Variants in NALF2 observed in about 807,000 individuals in gnomAD.
NALF2 encodes bB57D9.1 (TED protein).
A neutral mutation model predicts 24.8 loss-of-function variants in NALF2; 1 was observed. That is an observed-to-expected ratio of 0.04 (90% CI 0.01 to 0.19). The LOEUF is 0.19. NALF2 is among the 10% of genes least tolerant of loss of function. The pLI is 1.00. For missense variants in NALF2, 458 were observed against 409.6 expected, an observed-to-expected ratio of 1.12 and a Z score of -1.02; for synonymous variants, 254 against 189.8, an observed-to-expected ratio of 1.34 and a Z score of -2.78.
chrX:69,524,106 T>TTC (rs1273274075), intron 1 of NALF2, among the ~76,000 whole-genome samples: 2 of 108,937 alleles, frequency 1.8e-5, no homozygotes, highest in African/African-American at 6.7e-5. Context: ...TTTTCTTTTT[T>TTC]TTTTTTTTTT....
intron 1 of NALF2, among the ~76,000 whole-genome samples, chrX:69,508,228 T>G (rs1930524645): frequency 8.9e-6 from 1 of 111,771 alleles, no homozygotes; most frequent in South Asian, 3.8e-4. Context: ...GCTTAAGGTT[T>G]TTCCGCCCCT....
chrX:69,505,921 C>G lies in NALF2; in HGVS notation c.639C>G (p.Arg213=). The G allele has an allele frequency of 8.3e-7, 1 of 1,211,813 alleles. No individual in the cohort carries two copies. Among genetic ancestry groups the G allele is most frequent in the Non-Finnish European group, 1.1e-6 (1 of 895,493 alleles). ...TVWDLLLGMD[R]PDSLDCSLDT... ...GGGACTTGCTGCTGGGCATGGACCG[C>G]CCCGACAGCCTGGACTGTAGCCTGG... is the stretch of plus-strand genomic sequence containing the variant. The change falls in exon 1 of 3, where the codon CGC becomes CGG. Residue 213 remains arginine (R), a synonymous_variant. Transcript: ENST00000252338.
At chrX:69,515,050 A>G (rs1021982028) in intron 1 of NALF2, among the ~76,000 whole-genome samples, 1 of 112,346 alleles carries the variant, frequency 8.9e-6, no homozygotes, top group Non-Finnish European at 1.9e-5. Flanking sequence ...TTCTTTGTTC[A>G]TAAGTCTGTT....
chrX:69,505,955 A>T lies in NALF2; in HGVS notation c.673A>T (p.Met225Leu). ...CCTGGACTGTAGCCTGGACACCCTG[A>T]TGGGGGACCTGCTGGCCGTGGTGGC... ...DSLDCSLDTL[M>L]GDLLAVVASP... The change falls in exon 1 of 3, where the codon ATG becomes TTG. Residue 225 changes from methionine (M) to leucine (L), a missense_variant. Transcript: ENST00000252338. The T allele has an allele frequency of 8.3e-7, 1 of 1,211,695 alleles. No individual in the cohort carries two copies. The highest frequency in any genetic ancestry group is 1.1e-6 in the Non-Finnish European group (1 of 895,407).
chrX:69,518,851 G>A (rs886568473), intron 1 of NALF2, among the ~76,000 whole-genome samples: 1 of 111,960 alleles, frequency 8.9e-6, no homozygotes, highest in Non-Finnish European at 1.9e-5. Flanking sequence ...TAAATGCCAT[G>A]TCAATATTCT....
chrX:69,529,535 C>G, intron 2 of NALF2, 36 bp from the exon 3 acceptor site: 1 of 1,178,613 alleles, frequency 8.5e-7, no homozygotes, highest in Non-Finnish European at 1.1e-6. Context: ...ATCAGCTCCC[C>G]GAGCACCCCA....
Position 69,529,872 on chromosome X carries a change from G to A in NALF2, c.1335G>A (p.Val445=), listed in dbSNP as rs1162399361. ...VLVLMLLHTV[V]SFSSNQGGGG... ...TTCTCATGCTCCTCCATACCGTGGT[G>A]TCCTTCTCCAGCAACCAGGGTGGTG... Residue 445 remains valine, a synonymous_variant, in exon 3 of 3, where the codon GTG becomes GTA. Coordinates refer to ENST00000252338, the MANE Select transcript of NALF2 (RefSeq NM_015686.3). The A allele has an allele frequency of 3.3e-6, 4 of 1,211,585 alleles. No individual in the cohort carries two copies. The highest frequency in any genetic ancestry group is 4.5e-6 in the Non-Finnish European group (4 of 895,330).
chrX:69,518,247 G>A (rs1251812934), intron 1 of NALF2, among the ~76,000 whole-genome samples: 1 of 112,201 alleles, frequency 8.9e-6, no homozygotes, highest in Non-Finnish European at 1.9e-5. Context: ...CTCTGCAGCA[G>A]GGCAGTGTGG....
chrX:69,515,067 C>T (rs542799786), intron 1 of NALF2, among the ~76,000 whole-genome samples: 35 of 112,095 alleles, frequency 3.1e-4, no homozygotes, highest in African/African-American at 1.0e-3. Flanking sequence ...TGTTTCAGAA[C>T]GATTCTTTTT....
At chrX:69,509,172 G>A (rs1032896108) in intron 1 of NALF2, among the ~76,000 whole-genome samples, 1 of 111,497 alleles carries the variant, frequency 9.0e-6, no homozygotes, top group African/African-American at 3.3e-5. Flanking sequence ...GTAGGCCGAT[G>A]CCCTTCCCCG....
Position 69,505,227 on chromosome X carries a change from G to T in NALF2, c.-56G>T. 3.7e-6 allele frequency: 4 copies of T among 1,089,030 alleles called. No homozygotes were observed. In the South Asian group the frequency reaches 8.8e-5, roughly 24 times the overall value. 89.7% of individuals were successfully genotyped at this position (1,089,030 alleles called of 1,213,427 possible). On this transcript the variant is annotated 5_prime_UTR_variant, in exon 1 of 3. Transcript: ENST00000252338. The stretch of plus-strand genomic sequence containing the variant: ...AGCGGCGCGCAGCCCGCCCGCCCCA[G>T]ACGGCCGTCTGGCCTCGCGCCTGCC...
chrX:69,506,071 G>C lies in NALF2; in HGVS notation c.789G>C (p.Glu263Asp). Reference sequence around the variant, plus strand: ...GACACGCTCAGGAAAAATATGACGAGTTCGACCTCGTGCTGCATAAATACT... The same window carrying C: ...GACACGCTCAGGAAAAATATGACGACTTCGACCTCGTGCTGCATAAATACT... ...LDRHAQEKYD[E>D]FDLVLHKYLQ... Residue 263 changes from glutamate to aspartate, a missense_variant, in exon 1 of 3, where the codon GAG (glutamate) becomes GAC (aspartate). Glu to Asp is a conservative substitution (Grantham distance 45). Transcript: ENST00000252338. 8.3e-7 allele frequency: 1 copy of C among 1,209,321 alleles called. No individual in the cohort carries two copies. Among genetic ancestry groups the C allele is most frequent in the Non-Finnish European group, 1.1e-6 (1 of 894,163 alleles).
chrX:69,505,999 C>A lies in NALF2; in HGVS notation c.717C>A (p.Ala239=). The change falls in exon 1 of 3, where the codon GCC becomes GCA. Residue 239 remains alanine (A), a synonymous_variant. Transcript: ENST00000252338. Reference sequence around the variant, plus strand: ...TGGTGGCCAGCCCGGGCTCCGGGGCCTGGGAGGCGTGTAGCAACTGTATCG... The same window carrying A: ...TGGTGGCCAGCCCGGGCTCCGGGGCATGGGAGGCGTGTAGCAACTGTATCG... ...LAVVASPGSG[A]WEACSNCIEA... 8.3e-7 allele frequency: 1 copy of A among 1,211,424 alleles called. No homozygotes were observed. Among genetic ancestry groups the A allele is most frequent in the Non-Finnish European group, 1.1e-6 (1 of 895,352 alleles).
chrX:69,527,840 C>T, intron 1 of NALF2, among the ~76,000 whole-genome samples: 1 of 111,694 alleles, frequency 9.0e-6, no homozygotes, highest in Non-Finnish European at 1.9e-5. Flanking sequence ...CTCTCACAAG[C>T]TCCTAGGTGA....
chrX:69,511,189 T>C (rs1930577194), intron 1 of NALF2, among the ~76,000 whole-genome samples: 1 of 107,599 alleles, frequency 9.3e-6, no homozygotes, highest in Admixed American at 9.9e-5. Context: ...CCCCACCTCT[T>C]TCCTCTCAAC....
At position 69,505,569 on chromosome X, in the gene NALF2, T is replaced by TGCTGCC. The variant is rs1366053795; in HGVS notation, c.296_301dup (p.Leu99_Pro100dup). 2.5e-5 allele frequency: 25 copies of TGCTGCC among 1,005,246 alleles called. No individual in the cohort carries two copies. The highest frequency in any genetic ancestry group is 2.4e-4 in the South Asian group (7 of 29,694). The allele number at this position is 1,005,246 out of a possible 1,213,427, so 82.8% of individuals were successfully genotyped here. On this transcript the variant is annotated inframe_insertion, in exon 1 of 3. Coordinates refer to ENST00000252338, the MANE Select transcript of NALF2 (RefSeq NM_015686.3). ...CGGCAGCCGGTGCCTCCTCGCGCGGTGCTGCCGCTGCCGCCGCCGCCGCCC... is the reference window on the plus strand; with the variant it reads ...CGGCAGCCGGTGCCTCCTCGCGCGGTGCTGCCGCTGCCGCTGCCGCCGCCGCCGCCC...
Position 69,529,917 on chromosome X carries a change from A to C in NALF2, c.1380A>C (p.Thr460=). Residue 460 remains threonine, a synonymous_variant, in exon 3 of 3, where the codon ACA becomes ACC. Transcript: ENST00000252338. The part of the protein sequence containing the change: ...NQGGGGLGLE[T]LPALEEGLTR... The stretch of plus-strand genomic sequence containing the variant: ...GTGGTGGGGGATTGGGGCTGGAGAC[A>C]CTGCCTGCCCTAGAGGAGGGCCTGA... The C allele has an allele frequency of 2.5e-6, 3 of 1,209,482 alleles. No homozygotes were observed. Among genetic ancestry groups the C allele is most frequent in the Non-Finnish European group, 3.4e-6 (3 of 894,605 alleles).
At chrX:69,521,642 C>T (rs1196622931) in intron 1 of NALF2, among the ~76,000 whole-genome samples, 1 of 112,247 alleles carries the variant, frequency 8.9e-6, no homozygotes, top group Non-Finnish European at 1.9e-5. Flanking sequence ...TCATGTAATT[C>T]ATTGAATACT....
rs373248552 is a variant in NALF2, at chrX:69,513,919, G to A, written c.861+7776G>A. Among the ~76,000 whole-genome samples the A allele has an allele frequency of 9.0e-5, 10 of 111,578 alleles. No individual in the cohort carries two copies. In the East Asian group the frequency reaches 2.0e-3, roughly 22 times the overall value. On this transcript the variant is annotated intron_variant, in intron 1 of 2. Coordinates refer to ENST00000252338, the MANE Select transcript of NALF2 (RefSeq NM_015686.3). Reference sequence around the variant, plus strand: ...ATTAAACAAGAACTCCCAGCCGGGCGCGGTGGCTCACACCTGTAATCCCAG... The same window carrying A: ...ATTAAACAAGAACTCCCAGCCGGGCACGGTGGCTCACACCTGTAATCCCAG...
Sources: allele counts gnomAD v4.1 joint callset (sites outside exome capture counted in the v4.1 genomes callset), GRCh38; gene constraint gnomAD v4.1.1; transcripts MANE v1.5; gene names NCBI Gene and HGNC (gene_info 2026-07-23, HGNC 2026-07-21).